Variants in MECOM observed in about 807,000 individuals in gnomAD.
MECOM encodes histone-lysine N-methyltransferase MECOM.
Under a neutral mutation model 116.3 loss-of-function variants are expected in MECOM, and 13 were observed. The observed-to-expected ratio is 0.11, with a 90% CI of 0.07 to 0.18. The LOEUF (loss-of-function observed/expected upper bound fraction) is 0.18. Among genes scored for constraint, MECOM ranks in the 10% least tolerant of loss-of-function variants. The pLI is 1.00. For missense variants in MECOM, 1,299 were observed against 1,509.0 expected (o/e 0.86, Z 2.31); for synonymous variants, 528 against 535.2 (o/e 0.99, Z 0.19).
At position 169,314,467 on chromosome 3, in the gene MECOM, C is replaced by T. The variant is rs925235399; in HGVS notation, c.375+66720G>A. 4.0e-4 allele frequency among the ~76,000 whole-genome samples: 61 copies of T among 152,208 alleles called. 1 individual carries two copies. Among genetic ancestry groups the T allele is most frequent in the Non-Finnish European group, 1.9e-4 (13 of 68,040 alleles). ...CTCCAATGTAACACCATCAATGTCA[C>T]CTGCTAACTAAAATTAGTGTTTAAT... On this transcript the variant is annotated intron_variant, in intron 2 of 16. Transcript: ENST00000651503.
At chr3:169,437,246 A>T (rs1173170480) in intron 1 of MECOM, among the ~76,000 whole-genome samples, 5 of 152,220 alleles carry the variant, frequency 3.3e-5, no homozygotes, top group Admixed American at 1.3e-4. Flanking sequence ...CTTCAAATCC[A>T]GTTAACTTGC....
chr3:169,143,505 A>T (rs933845631), intron 3 of MECOM, among the ~76,000 whole-genome samples, 193 bp downstream of exon 3: 6 of 152,170 alleles, frequency 3.9e-5, no homozygotes, highest in South Asian at 2.1e-4. Context: ...TGAATAGACT[A>T]CCCAAAGAAT....
intron 1 of MECOM, among the ~76,000 whole-genome samples, chr3:169,564,690 A>G (rs1262110682): frequency 6.6e-6 from 1 of 152,222 alleles, no homozygotes; most frequent in Non-Finnish European, 1.5e-5. Context: ...ATCAAATTTA[A>G]TTACCAAAAT....
At chr3:169,407,582 A>T (rs1736903734) in intron 1 of MECOM, among the ~76,000 whole-genome samples, 1 of 152,248 alleles carries the variant, frequency 6.6e-6, no homozygotes, top group Non-Finnish European at 1.5e-5. Flanking sequence ...ACATGTTGGC[A>T]GTCTTCTCAA....
intron 2 of MECOM, among the ~76,000 whole-genome samples, chr3:169,181,413 A>G (rs1474817365): frequency 6.6e-6 from 1 of 152,174 alleles, no homozygotes; most frequent in Non-Finnish European, 1.5e-5. Context: ...GATATAGAAC[A>G]TTTTCATCTT....
At chr3:169,618,934 C>T (rs1770350954) in intron 1 of MECOM, among the ~76,000 whole-genome samples, 1 of 151,778 alleles carries the variant, frequency 6.6e-6, no homozygotes. Context: ...TAAAAGCCAC[C>T]GTCCTCTAAG....
In MECOM at chr3:169,636,782, A is replaced by G. The variant is rs540690201; in HGVS notation, c.37+26554T>C. Among the ~76,000 whole-genome samples, 5 of 152,362 alleles carry G rather than the reference A, an allele frequency of 3.3e-5. No homozygotes were observed. In the East Asian group the frequency reaches 9.6e-4, roughly 29 times the overall value. On this transcript the variant is annotated intron_variant, in intron 1 of 16. Transcript: ENST00000651503. ...CATTCCCGAATTGGGACATCCGTCC[A>G]CGAGAAAGGCATTTCCCCACTCCCA...
intron 1 of MECOM, among the ~76,000 whole-genome samples, chr3:169,638,518 C>T (rs1392186285): frequency 2.6e-5 from 4 of 152,154 alleles, no homozygotes; most frequent in African/African-American, 7.2e-5. Flanking sequence ...AGGAACTTGA[C>T]GTCTTACAAG....
Position 169,519,642 on chromosome 3 carries a change from G to A in MECOM, c.38-138118C>T, listed in dbSNP as rs4577512. Reference sequence around the variant, plus strand: ...TCTTAAAAGATGAGGAAGGCAGAACGAGCATGGCCTCTTGCCCCAACAACC... The same window carrying A: ...TCTTAAAAGATGAGGAAGGCAGAACAAGCATGGCCTCTTGCCCCAACAACC... On this transcript the variant is annotated intron_variant, in intron 1 of 16. Transcript: ENST00000651503. Among the ~76,000 whole-genome samples, 134 of 152,158 alleles carry A rather than the reference G, an allele frequency of 8.8e-4. 3 individuals are homozygous for A. Among genetic ancestry groups the A allele is most frequent in the East Asian group, 4.8e-3 (25 of 5,172 alleles).
At chr3:169,610,728 G>A (rs953994995) in intron 1 of MECOM, among the ~76,000 whole-genome samples, 1 of 152,230 alleles carries the variant, frequency 6.6e-6, no homozygotes, top group East Asian at 1.9e-4. Flanking sequence ...CCACATAATG[G>A]AAGACACTTC....
At chr3:169,282,385 G>T (rs1327390088) in intron 2 of MECOM, among the ~76,000 whole-genome samples, 2 of 152,120 alleles carry the variant, frequency 1.3e-5, no homozygotes, top group East Asian at 3.8e-4. Context: ...TATCCCCCCA[G>T]ATATGCTGCA....
Position 169,116,267 on chromosome 3 carries a change from C to A in MECOM, c.1605G>T (p.Leu535=), listed in dbSNP as rs752212505. The change falls in exon 8 of 17, where the codon CTG becomes CTT. Residue 535 remains leucine, a synonymous_variant. Coordinates refer to ENST00000651503, the MANE Select transcript of MECOM (RefSeq NM_004991.4). ...CCTTCAAAATATCCTGTGTAGCTGGCAGTATCTGAGGATGTGTCATGAGGG... is the reference window on the plus strand; with the variant it reads ...CCTTCAAAATATCCTGTGTAGCTGGAAGTATCTGAGGATGTGTCATGAGGG... The part of the protein sequence containing the change: ...QSPLMTHPQI[L]PATQDILKAL... 1.9e-5 allele frequency: 30 copies of A among 1,614,134 alleles called. No homozygotes were observed. The highest frequency in any genetic ancestry group is 1.6e-4 in the Middle Eastern group (1 of 6,062).
intron 2 of MECOM, among the ~76,000 whole-genome samples, chr3:169,155,434 C>T (rs901339130): frequency 1.3e-5 from 2 of 152,088 alleles, no homozygotes; most frequent in African/African-American, 2.4e-5. Flanking sequence ...TAAACTGTTT[C>T]TACAGGGTGC....
chr3:169,450,410 A>G (rs763802746), intron 1 of MECOM, among the ~76,000 whole-genome samples: 3 of 152,124 alleles, frequency 2.0e-5, no homozygotes, highest in Non-Finnish European at 2.9e-5. Flanking sequence ...TTTTAAGGCC[A>G]TGTTCCTTGC....
chr3:169,149,933 C>CTGTG (rs1160142424), intron 2 of MECOM, among the ~76,000 whole-genome samples: 263 of 116,148 alleles, frequency 2.3e-3, no homozygotes, highest in African/African-American at 5.6e-3. Context: ...CTTTCTCTCT[C>CTGTG]TCTGTGTGTG....
chr3:169,266,975 G>C (rs1758388812), intron 2 of MECOM, among the ~76,000 whole-genome samples: 1 of 152,214 alleles, frequency 6.6e-6, no homozygotes, highest in Admixed American at 6.5e-5. Context: ...ACTAGGTTCA[G>C]TTAAGAATGA....
intron 2 of MECOM, among the ~76,000 whole-genome samples, chr3:169,334,425 T>A (rs941620545): frequency 1.3e-5 from 2 of 152,170 alleles, no homozygotes; most frequent in African/African-American, 4.8e-5. Context: ...CAGGAAAGCT[T>A]TATAAAGTTC....
chr3:169,108,736 G>A (rs1394475269), intron 9 of MECOM, among the ~76,000 whole-genome samples: 1 of 152,108 alleles, frequency 6.6e-6, no homozygotes, highest in Admixed American at 6.6e-5. Context: ...AACACTTGTT[G>A]AAAGCAAAAT....
At chr3:169,528,087 C>T (rs1228036513) in intron 1 of MECOM, among the ~76,000 whole-genome samples, 2 of 152,158 alleles carry the variant, frequency 1.3e-5, no homozygotes, top group African/African-American at 2.4e-5. Flanking sequence ...TTCCTCCTTT[C>T]GAGCAGTGGT....
Sources: allele counts gnomAD v4.1 joint callset (sites outside exome capture counted in the v4.1 genomes callset), GRCh38; gene constraint gnomAD v4.1.1; transcripts MANE v1.5; gene names NCBI Gene and HGNC (gene_info 2026-07-23, HGNC 2026-07-21).